The following ELMO1 variants were observed in gnomAD, a reference collection of about 807,000 sequenced individuals.
ELMO1 encodes the protein engulfment and cell motility 1, also known as engulfment and cell motility protein 1.
A neutral mutation model predicts 98.9 loss-of-function variants in ELMO1; 26 were observed. That is an observed-to-expected ratio of 0.26 (90% CI 0.19 to 0.36). The LOEUF (loss-of-function observed/expected upper bound fraction) is 0.36, where lower values mean the gene tolerates loss of function less well. Ranked by LOEUF, ELMO1 falls within the 10% of genes least tolerant of loss-of-function variation. The pLI is 1.00. For missense variants in ELMO1, 627 were observed against 935.2 expected, an observed-to-expected ratio of 0.67 and a Z score of 4.30; for synonymous variants, 346 against 346.0, an observed-to-expected ratio of 1.00 and a Z score of 0.00.
At chr7:36,888,283 T>C (rs534154472) in intron 17 of ELMO1, among the ~76,000 whole-genome samples, 1 of 152,180 alleles carries the variant, frequency 6.6e-6, no homozygotes, top group Admixed American at 6.5e-5. Flanking sequence ...TAATGCAATA[T>C]AATTTAGTTT....
chr7:37,213,697 A>G (rs1255585490), intron 11 of ELMO1, among the ~76,000 whole-genome samples: 1 of 152,004 alleles, frequency 6.6e-6, no homozygotes, highest in Admixed American at 6.6e-5. Flanking sequence ...GGAAGGGGAA[A>G]AGCGCTGGAA....
chr7:37,089,971 A>G (rs995740879), intron 15 of ELMO1, among the ~76,000 whole-genome samples: 1 of 152,192 alleles, frequency 6.6e-6, no homozygotes, highest in African/African-American at 2.4e-5. Flanking sequence ...GTCACACGCC[A>G]AAGTGTCAGC....
chr7:37,356,315 C>T (rs567893513), intron 1 of ELMO1, among the ~76,000 whole-genome samples: 1 of 152,156 alleles, frequency 6.6e-6, no homozygotes, highest in Non-Finnish European at 1.5e-5. Flanking sequence ...TGGGTATATA[C>T]TCAGTAATGG....
chr7:37,375,153 C>A (rs777209985), intron 1 of ELMO1, among the ~76,000 whole-genome samples: 13 of 152,168 alleles, frequency 8.5e-5, no homozygotes, highest in Non-Finnish European at 5.9e-5. Context: ...TATTTCCTCT[C>A]CCTAGAAGCA....
At chr7:36,968,971 C>T (rs548177949) in intron 16 of ELMO1, among the ~76,000 whole-genome samples, 4 of 152,046 alleles carry the variant, frequency 2.6e-5, no homozygotes, top group African/African-American at 9.6e-5. Context: ...TTTTTGTAAT[C>T]TTTAGTAGTA....
Position 37,357,220 on chromosome 7 carries a change from G to A in ELMO1, c.-73-14457C>T, listed in dbSNP as rs761903683. Among the ~76,000 whole-genome samples, 17 of 152,108 alleles carry A rather than the reference G, an allele frequency of 1.1e-4. 1 individual carries two copies. Among genetic ancestry groups the A allele is most frequent in the Admixed American group, 5.9e-4 (9 of 15,258 alleles). ...TTCATTTCTGGGGCTTTTGGTCTTC[G>A]TTTCTAAAGGCTCCCATGTTATATA... On this transcript the variant is annotated intron_variant, in intron 1 of 21. Coordinates refer to ENST00000310758, the MANE Select transcript of ELMO1 (RefSeq NM_014800.11).
chr7:37,157,840 T>G (rs1307007683), intron 13 of ELMO1, among the ~76,000 whole-genome samples: 1 of 152,108 alleles, frequency 6.6e-6, no homozygotes, highest in Non-Finnish European at 1.5e-5. Flanking sequence ...AGAGCCTGCA[T>G]GGCCAAGTCA....
intron 15 of ELMO1, among the ~76,000 whole-genome samples, chr7:37,014,716 A>C (rs531447265): frequency 2.6e-5 from 4 of 152,146 alleles, no homozygotes; most frequent in Admixed American, 1.3e-4. Flanking sequence ...CTGAGTGAGA[A>C]CACAAGGTGT....
intron 14 of ELMO1, among the ~76,000 whole-genome samples, chr7:37,130,727 G>A (rs1395914916): frequency 2.6e-5 from 4 of 150,984 alleles, no homozygotes; most frequent in African/African-American, 7.4e-5. Flanking sequence ...CAAGGGCAAC[G>A]AGGGAATATT....
At chr7:37,249,356 G>A (rs949912945) in intron 6 of ELMO1, among the ~76,000 whole-genome samples, 1 of 152,146 alleles carries the variant, frequency 6.6e-6, no homozygotes, top group Non-Finnish European at 1.5e-5. Flanking sequence ...TGACAGAGTG[G>A]GGAGGAACTA....
At position 37,342,352 on chromosome 7, in the gene ELMO1, C is replaced by A. The variant is rs938327703; in HGVS notation, c.78+261G>T. On this transcript the variant is annotated intron_variant, in intron 2 of 21. Transcript: ENST00000310758. This position sits in a 1 kb window ranked among gnomAD's most constrained non-coding sequence, Gnocchi z 4.3. The stretch of plus-strand genomic sequence containing the variant: ...CTGTGTCAACTGCCCAGGGCCCGAT[C>A]CACTTGTCCCTCCCACCTCCTTCCT... Among the ~76,000 whole-genome samples, 1 of 152,222 alleles carries A rather than the reference C, an allele frequency of 6.6e-6. No homozygotes were observed. Among genetic ancestry groups the A allele is most frequent in the Non-Finnish European group, 1.5e-5 (1 of 68,046 alleles).
At chr7:37,329,892 G>A (rs1800011231) in intron 2 of ELMO1, among the ~76,000 whole-genome samples, 1 of 152,162 alleles carries the variant, frequency 6.6e-6, no homozygotes, top group Non-Finnish European at 1.5e-5. Flanking sequence ...CCAGTTCATG[G>A]CATAGTTGTT....
intron 15 of ELMO1, among the ~76,000 whole-genome samples, chr7:37,040,769 G>A (rs149549488): frequency 5.3e-4 from 81 of 152,192 alleles, no homozygotes; most frequent in Admixed American, 2.3e-3. Context: ...TATTATTAGC[G>A]TTCTAGCACT....
intron 2 of ELMO1, among the ~76,000 whole-genome samples, chr7:37,323,683 A>C (rs1391723714): frequency 6.6e-6 from 1 of 152,178 alleles, no homozygotes; most frequent in Admixed American, 6.5e-5. Flanking sequence ...GCTGATTTTC[A>C]ATCTATCTCT....
chr7:37,345,052 C>A (rs769596960), intron 1 of ELMO1, among the ~76,000 whole-genome samples: 1 of 152,182 alleles, frequency 6.6e-6, no homozygotes, highest in African/African-American at 2.4e-5. Flanking sequence ...ATATAAATAA[C>A]TAACTTCAGC....
intron 16 of ELMO1, among the ~76,000 whole-genome samples, chr7:37,011,657 A>G (rs1793569706): frequency 6.6e-6 from 1 of 152,230 alleles, no homozygotes; most frequent in Non-Finnish European, 1.5e-5. Flanking sequence ...ACAACTGGTG[A>G]GGTCTCCTTC....
In ELMO1 at chr7:36,929,585, G is replaced by A. The variant is rs1284097096; in HGVS notation, c.1438-34568C>T. On this transcript the variant is annotated intron_variant, in intron 16 of 21. Transcript: ENST00000310758. The stretch of plus-strand genomic sequence containing the variant: ...TTATGGTCTTCCAGCTCAGTGTTTA[G>A]TGTGGCCCAGCCCAGAATGGTCAGC... Among the ~76,000 whole-genome samples the A allele has an allele frequency of 2.0e-5, 3 of 152,136 alleles. No individual in the cohort carries two copies. The East Asian group carries it at 5.8e-4, about 29-fold the overall frequency.
chr7:36,901,704 CG>C (rs1806519830), intron 16 of ELMO1, among the ~76,000 whole-genome samples: 1 of 152,032 alleles, frequency 6.6e-6, no homozygotes, highest in East Asian at 1.9e-4. Context: ...TATAAAGTAG[CG>C]GTAATAATCT....
In ELMO1 at chr7:37,240,344, A is replaced by T. The variant is rs1162632147; in HGVS notation, c.449+4012T>A. Among the ~76,000 whole-genome samples, 6 of 152,246 alleles carry T rather than the reference A, an allele frequency of 3.9e-5. No individual in the cohort carries two copies. In the East Asian group the frequency reaches 1.2e-3, roughly 29 times the overall value. On this transcript the variant is annotated intron_variant, in intron 7 of 21. Transcript: ENST00000310758. ...TTATTAATGTAAAATTATTTGCAAT[A>T]TTCTTTTATTTTATTTCTAATGTCA...
Sources: allele counts gnomAD v4.1 joint callset (sites outside exome capture counted in the v4.1 genomes callset), GRCh38; gene constraint gnomAD v4.1.1; non-coding constraint Gnocchi (gnomAD v3.1); transcripts MANE v1.5; gene names NCBI Gene and HGNC (gene_info 2026-07-23, HGNC 2026-07-21).